MAP2: variants seen among roughly 807,000 people sequenced by gnomAD.
MAP2 encodes the protein microtubule-associated protein 2.
In MAP2, 14 loss-of-function variants were observed where a neutral mutation model predicts 137.6. That is an observed-to-expected ratio of 0.10 (90% confidence interval 0.07 to 0.16). The LOEUF is 0.16. Ranked by LOEUF, MAP2 falls within the 10% of genes least tolerant of loss-of-function variation. The pLI is 1.00. For missense variants in MAP2, 2,088 were observed against 2,191.5 expected, an observed-to-expected ratio of 0.95 and a Z score of 0.94; for synonymous variants, 786 against 782.3, an observed-to-expected ratio of 1.00 and a Z score of -0.08.
intron 2 of MAP2, among the ~76,000 whole-genome samples, chr2:209,532,577 T>A (rs2150585189): frequency 6.6e-6 from 1 of 152,342 alleles, no homozygotes; most frequent in East Asian, 1.9e-4. Flanking sequence ...ATCCAGTGCC[T>A]GCCCTCTAAA....
intron 4 of MAP2, among the ~76,000 whole-genome samples, chr2:209,630,284 C>A (rs1012730880): frequency 6.6e-6 from 1 of 151,924 alleles, no homozygotes; most frequent in Admixed American, 6.6e-5. Context: ...CTCCCAATCT[C>A]TCTGGGGCTC....
At position 209,562,775 on chromosome 2, in the gene MAP2, C is replaced by T. The variant is rs377388452; in HGVS notation, c.-171-17261C>T. On this transcript the variant is annotated intron_variant, in intron 2 of 15. Transcript: ENST00000682079. The stretch of plus-strand genomic sequence containing the variant: ...TGAAACCAATGCCTCAAAAGCCCAG[C>T]GGTGATTGCACACCAGCTCAAATAC... 6.6e-5 allele frequency among the ~76,000 whole-genome samples: 10 copies of T among 152,014 alleles called. No individual in the cohort carries two copies. In the South Asian group the frequency reaches 1.4e-3, roughly 22 times the overall value.
chr2:209,686,302 G>A (rs1258845291), intron 7 of MAP2, among the ~76,000 whole-genome samples: 1 of 152,192 alleles, frequency 6.6e-6, no homozygotes, highest in Non-Finnish European at 1.5e-5. Flanking sequence ...AGTAAATAAT[G>A]TGCTTGAAAG....
intron 1 of MAP2, among the ~76,000 whole-genome samples, chr2:209,450,246 T>TA (rs916936215): frequency 4.3e-4 from 65 of 152,140 alleles, no homozygotes; most frequent in African/African-American, 1.5e-3. Context: ...ACAGCCAACT[T>TA]ACCTTTTTTT....
intron 13 of MAP2, among the ~76,000 whole-genome samples, chr2:209,724,771 T>C (rs2153810823): frequency 6.6e-6 from 1 of 152,360 alleles, no homozygotes; most frequent in South Asian, 2.1e-4. Flanking sequence ...TGGTTGCCAC[T>C]CTTCCTTATT....
chr2:209,702,209 G>T (rs756856183), intron 11 of MAP2, among the ~76,000 whole-genome samples: 1 of 151,992 alleles, frequency 6.6e-6, no homozygotes, highest in South Asian at 2.1e-4. Context: ...TGAGTAACTC[G>T]ATAGAATCAG....
At chr2:209,608,302 T>A (rs79537915) in intron 3 of MAP2, among the ~76,000 whole-genome samples, 5 of 151,604 alleles carry the variant, frequency 3.3e-5, no homozygotes, top group African/African-American at 1.2e-4. Flanking sequence ...TTTTTTTTTT[T>A]AATGGAGACA....
intron 3 of MAP2, among the ~76,000 whole-genome samples, chr2:209,596,434 A>G (rs1375890539): frequency 1.3e-5 from 2 of 152,222 alleles, no homozygotes; most frequent in Admixed American, 1.3e-4. Context: ...TGCAGTTATT[A>G]CATTCTAACG....
At chr2:209,442,574 T>G (rs189482778) in intron 1 of MAP2, among the ~76,000 whole-genome samples, 1 of 151,752 alleles carries the variant, frequency 6.6e-6, no homozygotes, top group East Asian at 1.9e-4. Context: ...TTCTTTCTGT[T>G]TACACTTTCA....
intron 1 of MAP2, among the ~76,000 whole-genome samples, chr2:209,473,046 G>T (rs1706192675): frequency 6.6e-6 from 1 of 152,132 alleles, no homozygotes; most frequent in Admixed American, 6.6e-5. Context: ...AGCTCCAGGA[G>T]CAGGACGCTA....
intron 13 of MAP2, among the ~76,000 whole-genome samples, chr2:209,711,869 C>T (rs925703296): frequency 6.6e-6 from 1 of 151,794 alleles, no homozygotes; most frequent in South Asian, 2.1e-4. Context: ...ATAAATATTC[C>T]CATGTCCTGT....
chr2:209,636,340 C>G (rs1374614959), intron 4 of MAP2, among the ~76,000 whole-genome samples: 1 of 152,098 alleles, frequency 6.6e-6, no homozygotes, highest in Non-Finnish European at 1.5e-5. Context: ...AGACCTTTCT[C>G]TAACACAGAC....
At chr2:209,705,525 C>T (rs1452435499) in intron 11 of MAP2, 55 bp from the exon 12 acceptor site, 11 of 1,456,118 alleles carry the variant, frequency 7.6e-6, no homozygotes, top group African/African-American at 2.9e-5. Flanking sequence ...AATATCACTT[C>T]GTATAAATTA....
chr2:209,584,460 T>A (rs1199845953), intron 3 of MAP2, among the ~76,000 whole-genome samples: 1 of 152,188 alleles, frequency 6.6e-6, no homozygotes, highest in Non-Finnish European at 1.5e-5. Flanking sequence ...ATTCATCTTT[T>A]TTGAATTATA....
At chr2:209,468,855 C>T (rs925919675) in intron 1 of MAP2, among the ~76,000 whole-genome samples, 1 of 152,064 alleles carries the variant, frequency 6.6e-6, no homozygotes, top group Non-Finnish European at 1.5e-5. Context: ...AAACAGGAGG[C>T]AGAGGCACAG....
chr2:209,534,776 T>C (rs755696743), intron 2 of MAP2, among the ~76,000 whole-genome samples: 22 of 152,170 alleles, frequency 1.4e-4, no homozygotes, highest in Non-Finnish European at 2.9e-4. Flanking sequence ...TGCTCTGAAA[T>C]AGCAGGAGTT....
chr2:209,534,243 C>T (rs1227740062), intron 2 of MAP2, among the ~76,000 whole-genome samples: 4 of 152,144 alleles, frequency 2.6e-5, no homozygotes, highest in Non-Finnish European at 5.9e-5. Context: ...TCTTGTTTAG[C>T]CCTTACAACA....
At chr2:209,444,188 TTAAGACATC>T (rs1698490981) in intron 1 of MAP2, among the ~76,000 whole-genome samples, 1 of 151,476 alleles carries the variant, frequency 6.6e-6, no homozygotes, top group South Asian at 2.1e-4. Context: ...AGTCAGAAGT[TTAAGACATC>T]TATCTCAAGT....
intron 2 of MAP2, among the ~76,000 whole-genome samples, chr2:209,537,117 T>C (rs1189698375): frequency 6.6e-6 from 1 of 152,220 alleles, no homozygotes; most frequent in Non-Finnish European, 1.5e-5. Flanking sequence ...GGCACACTTA[T>C]ATTAAGCAAG....
Sources: gnomAD v4.1 joint callset for allele counts (sites outside exome capture counted in the v4.1 genomes callset) on GRCh38, gnomAD v4.1.1 for gene constraint, MANE v1.5 for transcripts, NCBI Gene and HGNC (gene_info 2026-07-23, HGNC 2026-07-21) for gene names.